STK32A: variants seen among roughly 807,000 people sequenced by gnomAD.
The protein encoded by STK32A is serine/threonine-protein kinase 32A.
In STK32A, 41 loss-of-function variants were observed where a neutral mutation model predicts 53.2. That is an observed-to-expected ratio of 0.77 (90% CI 0.60 to 1.00). The LOEUF is 1.00. Ranked by LOEUF, STK32A falls within the 50% of genes least tolerant of loss-of-function variation. The probability of loss-of-function intolerance (pLI) is 0.00; values close to 1 mark genes in which losing one functional copy is unlikely to be tolerated. For missense variants in STK32A, 458 were observed against 485.8 expected, an observed-to-expected ratio of 0.94 and a Z score of 0.54; for synonymous variants, 166 against 162.8, an observed-to-expected ratio of 1.02 and a Z score of -0.15.
intron 2 of STK32A, among the ~76,000 whole-genome samples, chr5:147,271,543 C>T (rs1394421011): frequency 6.6e-6 from 1 of 152,146 alleles, no homozygotes; most frequent in African/African-American, 2.4e-5. Flanking sequence ...AGGAACAGAG[C>T]GATATTTCTC....
intron 4 of STK32A, among the ~76,000 whole-genome samples, chr5:147,313,694 C>T (rs1753816103): frequency 6.6e-6 from 1 of 152,136 alleles, no homozygotes; most frequent in Admixed American, 6.5e-5. Context: ...TATGAAGCTA[C>T]AATAATCAAG....
In STK32A at chr5:147,351,054, T is replaced by C. The variant is rs758355317; in HGVS notation, c.473-11T>C. 9.9e-6 allele frequency: 16 copies of C among 1,612,930 alleles called. No homozygotes were observed. The highest frequency in any genetic ancestry group is 1.4e-5 in the Non-Finnish European group (16 of 1,179,258). On this transcript the variant is annotated splice_polypyrimidine_tract_variant and intron_variant, in intron 6 of 12. Coordinates refer to ENST00000397936, the MANE Select transcript of STK32A (RefSeq NM_001112724.2). ...GACTTAACTTTCTGTGTGGTTCTTC[T>C]CTCTCTGCAGGGCACGTGCACATCA...
At chr5:147,239,759 A>G in intron 2 of STK32A, 73 bp downstream of exon 2, 1 of 1,175,962 alleles carries the variant, frequency 8.5e-7, no homozygotes. Context: ...CTAGTTTCAT[A>G]AGTTAAGCAT....
intron 5 of STK32A, among the ~76,000 whole-genome samples, chr5:147,334,345 C>A (rs1755015820): frequency 6.6e-6 from 1 of 152,202 alleles, no homozygotes; most frequent in Admixed American, 6.5e-5. Flanking sequence ...CGTGTACAGT[C>A]AGGCAGGGCT....
At chr5:147,333,385 T>C (rs980849163) in intron 5 of STK32A, among the ~76,000 whole-genome samples, 6 of 152,214 alleles carry the variant, frequency 3.9e-5, no homozygotes, top group African/African-American at 1.4e-4. Context: ...GAAGATATTT[T>C]ATTTGCTCAA....
intron 6 of STK32A, among the ~76,000 whole-genome samples, chr5:147,344,980 T>A (rs1755613723): frequency 6.6e-6 from 1 of 152,204 alleles, no homozygotes; most frequent in Non-Finnish European, 1.5e-5. Context: ...CTCCTCCTCA[T>A]TTTCTTGGTG....
intron 4 of STK32A, among the ~76,000 whole-genome samples, chr5:147,314,789 G>A (rs1418596588): frequency 2.0e-5 from 3 of 146,724 alleles, no homozygotes; most frequent in African/African-American, 7.6e-5. Flanking sequence ...CCAGGCTGGA[G>A]TGCAGTGTGT....
At chr5:147,291,344 T>C (rs1328964515) in intron 4 of STK32A, among the ~76,000 whole-genome samples, 2 of 152,020 alleles carry the variant, frequency 1.3e-5, no homozygotes, top group Non-Finnish European at 2.9e-5. Context: ...TGAGTCTTAG[T>C]GGGGATTTTA....
In STK32A at chr5:147,387,766, C is replaced by G. The variant is rs1320470512; in HGVS notation, c.*3783C>G. On this transcript the variant is annotated 3_prime_UTR_variant, in exon 13 of 13. Coordinates refer to ENST00000397936, the MANE Select transcript of STK32A (RefSeq NM_001112724.2). Reference sequence around the variant, plus strand: ...TGAACAGGCAGCTGATCTGGCAGCCCTCGAATGGGAAACAAGTGCTTCTGT... The same window carrying G: ...TGAACAGGCAGCTGATCTGGCAGCCGTCGAATGGGAAACAAGTGCTTCTGT... 1 of 152,172 alleles carries G rather than the reference C, an allele frequency of 6.6e-6. No individual in the cohort carries two copies. The highest frequency in any genetic ancestry group is 1.5e-5 in the Non-Finnish European group (1 of 68,050). 9.4% of individuals were successfully genotyped at this position (152,172 alleles called of 1,614,324 possible). A position where few individuals can be genotyped will look rare whatever the true frequency, so the allele number is the denominator to read the frequency against.
At chr5:147,249,680 A>AG (rs1008655457) in intron 2 of STK32A, among the ~76,000 whole-genome samples, 7 of 151,954 alleles carry the variant, frequency 4.6e-5, no homozygotes, top group African/African-American at 1.2e-4. Context: ...TGGGAGGCCG[A>AG]GGGGGGTGGA....
intron 6 of STK32A, among the ~76,000 whole-genome samples, chr5:147,349,235 TAAAC>T (rs1755839552): frequency 1.3e-5 from 2 of 152,170 alleles, no homozygotes; most frequent in Admixed American, 6.5e-5. Flanking sequence ...TATCATGACA[TAAAC>T]AAAGCCAAAA....
At chr5:147,365,912 A>G (rs1328653120) in intron 8 of STK32A, among the ~76,000 whole-genome samples, 1 of 152,066 alleles carries the variant, frequency 6.6e-6, no homozygotes, top group Non-Finnish European at 1.5e-5. Context: ...TTCCCATATT[A>G]TTTTACCTCT....
chr5:147,250,737 C>T (rs1013508601), intron 2 of STK32A, among the ~76,000 whole-genome samples: 3 of 151,924 alleles, frequency 2.0e-5, no homozygotes, highest in African/African-American at 7.3e-5. Flanking sequence ...GTCAGGAGAT[C>T]GAGACCATCC....
intron 2 of STK32A, among the ~76,000 whole-genome samples, chr5:147,257,364 G>C (rs1177195343): frequency 6.6e-6 from 1 of 152,052 alleles, no homozygotes; most frequent in East Asian, 1.9e-4. Context: ...AGGCACAGAG[G>C]TATTTTTTCT....
Position 147,279,323 on chromosome 5 carries a change from G to T in STK32A, c.185G>T (p.Arg62Leu), listed in dbSNP as rs61733137. The T allele has an allele frequency of 7.4e-6, 12 of 1,613,660 alleles. No individual in the cohort carries two copies. In the South Asian group the frequency reaches 1.1e-4, roughly 15 times the overall value. ...KYMNKQKCVERNEVRNVFKEL... is the reference protein window; with the variant it reads ...KYMNKQKCVELNEVRNVFKEL... ...ATGAATAAACAAAAGTGCGTGGAGC[G>T]CAATGAAGTGAGAAATGTCTTCAAG... The change falls in exon 4 of 13, where the codon CGC becomes CTC. Residue 62 changes from arginine to leucine, a missense_variant. Transcript: ENST00000397936.
rs921079918 is a variant in STK32A, at chr5:147,239,811, C to A, written c.52+125C>A. The A allele has an allele frequency of 8.5e-6, 6 of 708,732 alleles. No homozygotes were observed. In the African/African-American group the frequency reaches 9.2e-5, roughly 11 times the overall value. 43.9% of individuals were successfully genotyped at this position (708,732 alleles called of 1,614,324 possible). On this transcript the variant is annotated intron_variant, in intron 2 of 12. Transcript: ENST00000397936. ...GCCTTGAAGGAAAAAGGCAAAGCTG[C>A]ATGAGTGAGTCTGAGGACTTTGTAG...
intron 10 of STK32A, 72 bp downstream of exon 10, chr5:147,373,366 T>G: frequency 6.4e-7 from 1 of 1,573,908 alleles, no homozygotes; most frequent in East Asian, 2.3e-5. Flanking sequence ...ATTCACACAT[T>G]GTCTCATTAG....
rs547713512 is a variant in STK32A at position 147,278,225 on chromosome 5, C to G, written c.108+46C>G. ...TTAACCACCAGCAGGGTTATGTAGC[C>G]CAGGGAACAGAGGGTCCAGAAATGT... On this transcript the variant is annotated intron_variant, in intron 3 of 12. Transcript: ENST00000397936. The G allele has an allele frequency of 6.7e-6, 10 of 1,497,694 alleles. No homozygotes were observed. The South Asian group carries it at 9.6e-5, about 14-fold the overall frequency. The allele number at this position is 1,497,694 out of a possible 1,614,324, so 92.8% of individuals were successfully genotyped here.
chr5:147,240,001 C>G (rs1285286751), intron 2 of STK32A: 1 of 275,346 alleles, frequency 3.6e-6, no homozygotes, highest in Non-Finnish European at 6.8e-6. Context: ...GTTGAAGTTA[C>G]CCCCATTGCT....
Sources: gnomAD v4.1 joint callset for allele counts (sites outside exome capture counted in the v4.1 genomes callset) on GRCh38, gnomAD v4.1.1 for gene constraint, MANE v1.5 for transcripts, NCBI Gene and HGNC (gene_info 2026-07-23, HGNC 2026-07-21) for gene names.